The following CD200R1 variants were observed in gnomAD, a reference collection of about 807,000 sequenced individuals.
The protein encoded by CD200R1 is CD200 receptor 1.
A neutral mutation model predicts 38.1 loss-of-function variants in CD200R1; 30 were observed. The observed-to-expected ratio is 0.79, with a 90% CI of 0.59 to 1.07. The LOEUF (loss-of-function observed/expected upper bound fraction) is 1.07. Among genes scored for constraint, CD200R1 ranks in the 50% least tolerant of loss-of-function variants. CD200R1 has a pLI of 0.00. For synonymous variants in CD200R1, 128 were observed against 152.1 expected (o/e 0.84, Z 1.16); for missense variants, 372 against 415.4 (o/e 0.90, Z 0.91).
chr3:112,948,228 T>A (rs927702376), intron 1 of CD200R1, among the ~76,000 whole-genome samples: 1 of 152,126 alleles, frequency 6.6e-6, no homozygotes, highest in Admixed American at 6.6e-5. Context: ...GTGGAAGAAA[T>A]TATTTTACTA....
rs1940179479 is a variant in CD200R1, at chr3:112,922,000, A to G, written c.*1677T>C. On this transcript the variant is annotated 3_prime_UTR_variant, in exon 8 of 8. Transcript: ENST00000308611. Reference sequence around the variant, plus strand: ...GACAGTGTAATGATGTCTATTGTGAACATTGCTTGGTAATATTTATATGCA... The same window carrying G: ...GACAGTGTAATGATGTCTATTGTGAGCATTGCTTGGTAATATTTATATGCA... The G allele has an allele frequency of 1.3e-5, 2 of 152,028 alleles. No individual in the cohort carries two copies. The highest frequency in any genetic ancestry group is 6.6e-5 in the Admixed American group (1 of 15,228). The allele number at this position is 152,028 out of a possible 1,614,324, so 9.4% of individuals were successfully genotyped here. A position where few individuals can be genotyped will look rare whatever the true frequency, so the allele number is the denominator to read the frequency against.
At chr3:112,930,429 A>G (rs973257688) in intron 3 of CD200R1, among the ~76,000 whole-genome samples, 1 of 152,232 alleles carries the variant, frequency 6.6e-6, no homozygotes. Flanking sequence ...CAATCCAATT[A>G]TCAACACTAA....
intron 2 of CD200R1, among the ~76,000 whole-genome samples, chr3:112,937,134 G>A (rs899596690): frequency 6.6e-6 from 1 of 152,146 alleles, no homozygotes; most frequent in African/African-American, 2.4e-5. Flanking sequence ...CACGACAGAA[G>A]GGGAAGCAGA....
chr3:112,921,443 AAGAG>A lies in CD200R1; in HGVS notation c.*2230_*2233del, dbSNP rs1211063650. 1 of 143,046 alleles carries A rather than the reference AAGAG, an allele frequency of 7.0e-6. No individual in the cohort carries two copies. Among genetic ancestry groups the A allele is most frequent in the East Asian group, 1.9e-4 (1 of 5,158 alleles). 8.9% of individuals were successfully genotyped at this position (143,046 alleles called of 1,614,324 possible). On this transcript the variant is annotated 3_prime_UTR_variant, in exon 8 of 8. Coordinates refer to ENST00000308611, the MANE Select transcript of CD200R1 (RefSeq NM_138806.4). Reference sequence around the variant, plus strand: ...ACTTTCAAATTATTAGAGATATTGAAAGAGAGAGAGACAGAGAAAGAGAGAGAAA... The same window carrying A: ...ACTTTCAAATTATTAGAGATATTGAAAGAGAGACAGAGAAAGAGAGAGAAA...
chr3:112,953,717 C>T (rs1383552267), intron 1 of CD200R1, among the ~76,000 whole-genome samples: 1 of 152,030 alleles, frequency 6.6e-6, no homozygotes, highest in Non-Finnish European at 1.5e-5. Flanking sequence ...CCTAGCTTAT[C>T]CAATTTGTTG....
intron 1 of CD200R1, among the ~76,000 whole-genome samples, chr3:112,964,947 A>G (rs1933119329): frequency 6.6e-6 from 1 of 152,180 alleles, no homozygotes; most frequent in South Asian, 2.1e-4. Context: ...TGGTTTTAAA[A>G]ATGGGAGTTT....
Position 112,931,280 on chromosome 3 carries a change from A to G in CD200R1, c.137-109T>C, listed in dbSNP as rs1356556287. 60 of 623,028 alleles carry G rather than the reference A, an allele frequency of 9.6e-5. No homozygotes were observed. The South Asian group carries it at 1.3e-3, about 13-fold the overall frequency. 38.6% of individuals were successfully genotyped at this position (623,028 alleles called of 1,614,324 possible). ...CAACATGATAGGCAATCAGTTAACC[A>G]TAATTAAAATTACACAAAAATCATT... On this transcript the variant is annotated intron_variant, in intron 2 of 7. Coordinates refer to ENST00000308611, the MANE Select transcript of CD200R1 (RefSeq NM_138806.4).
intron 2 of CD200R1, among the ~76,000 whole-genome samples, chr3:112,939,843 C>T (rs1235442117): frequency 1.4e-5 from 2 of 138,688 alleles, no homozygotes; most frequent in Non-Finnish European, 3.1e-5. Flanking sequence ...CAGCCAAAGC[C>T]CATACTGAGC....
intron 1 of CD200R1, among the ~76,000 whole-genome samples, chr3:112,973,604 A>G (rs1450462951): frequency 6.6e-6 from 1 of 152,210 alleles, no homozygotes; most frequent in African/African-American, 2.4e-5. Context: ...AAAATTCTCA[A>G]TAGAAAGGTG....
chr3:112,940,024 A>G (rs1158849890), intron 2 of CD200R1, among the ~76,000 whole-genome samples: 1 of 151,926 alleles, frequency 6.6e-6, no homozygotes, highest in Non-Finnish European at 1.5e-5. Context: ...CCACATATAT[A>G]CAGTCAACTG....
At chr3:112,931,024 C>T (rs1478048088) in intron 3 of CD200R1, 82 bp downstream of exon 3, 5 of 990,414 alleles carry the variant, frequency 5.0e-6, no homozygotes, top group Non-Finnish European at 8.1e-6. Flanking sequence ...GGCTGGCTTC[C>T]AGTCAGGTCA....
chr3:112,973,810 A>G (rs995881647), intron 1 of CD200R1, among the ~76,000 whole-genome samples: 1 of 152,160 alleles, frequency 6.6e-6, no homozygotes, highest in Non-Finnish European at 1.5e-5. Context: ...GTCTACCAAA[A>G]GTGAAACCTG....
chr3:112,933,163 C>A (rs1469165245), intron 2 of CD200R1, among the ~76,000 whole-genome samples: 2 of 152,198 alleles, frequency 1.3e-5, no homozygotes, highest in South Asian at 4.1e-4. Flanking sequence ...AGCAGACATG[C>A]CCCCAGACTG....
At chr3:112,953,450 G>A (rs1941015231) in intron 1 of CD200R1, among the ~76,000 whole-genome samples, 1 of 152,144 alleles carries the variant, frequency 6.6e-6, no homozygotes, top group Non-Finnish European at 1.5e-5. Flanking sequence ...TTGGGTGTGA[G>A]GGTAATTCTG....
In CD200R1 at chr3:112,925,134, T is replaced by C. The variant is rs200744866; in HGVS notation, c.829A>G (p.Ile277Val). Residue 277 changes from isoleucine (I) to valine (V), a missense_variant, in exon 6 of 8, where the codon ATT becomes GTT. Coordinates refer to ENST00000308611, the MANE Select transcript of CD200R1 (RefSeq NM_138806.4). ...CAAATGAATCCCACGATGGTCAAAATAATAATAGTAAGGATGATATATGGA... is the reference window on the plus strand; with the variant it reads ...CAAATGAATCCCACGATGGTCAAAACAATAATAGTAAGGATGATATATGGA... The part of the protein sequence containing the change: ...YIPYIILTII[I>V]LTIVGFIWLL... 1.6e-4 allele frequency: 262 copies of C among 1,608,420 alleles called. No homozygotes were observed. Among genetic ancestry groups the C allele is most frequent in the Admixed American group, 4.4e-4 (26 of 59,696 alleles).
chr3:112,966,877 C>G (rs1244621104), intron 1 of CD200R1, among the ~76,000 whole-genome samples: 2 of 152,128 alleles, frequency 1.3e-5, no homozygotes, highest in Non-Finnish European at 2.9e-5. Context: ...CCTTCCCACT[C>G]ACTCCCTCCT....
At chr3:112,970,772 T>G (rs559194983) in intron 1 of CD200R1, among the ~76,000 whole-genome samples, 20 of 152,320 alleles carry the variant, frequency 1.3e-4, no homozygotes, top group Non-Finnish European at 2.6e-4. Context: ...ATTACCTTAT[T>G]GCCATCCTCA....
chr3:112,923,366 C>A lies in CD200R1; in HGVS notation c.*311G>T. ...ATACACAAGAAACTGTTCACACTTG[C>A]TCCTTCTTCAGTTATTTCTTGAGGA... is the stretch of plus-strand genomic sequence containing the variant. On this transcript the variant is annotated 3_prime_UTR_variant, in exon 8 of 8. Coordinates refer to ENST00000308611, the MANE Select transcript of CD200R1 (RefSeq NM_138806.4). 1 of 188,440 alleles carries A rather than the reference C, an allele frequency of 5.3e-6. No homozygotes were observed. The highest frequency in any genetic ancestry group is 1.2e-4 in the South Asian group (1 of 8,096). 11.7% of individuals were successfully genotyped at this position (188,440 alleles called of 1,614,324 possible). A position where few individuals can be genotyped will look rare whatever the true frequency, so the allele number is the denominator to read the frequency against.
At chr3:112,935,674 G>A (rs906026582) in intron 2 of CD200R1, among the ~76,000 whole-genome samples, 4 of 152,072 alleles carry the variant, frequency 2.6e-5, no homozygotes, top group African/African-American at 7.2e-5. Flanking sequence ...TATTAAGGAA[G>A]AAAACCAGGA....
Sources: gnomAD v4.1 joint callset for allele counts (sites outside exome capture counted in the v4.1 genomes callset) on GRCh38, gnomAD v4.1.1 for gene constraint, MANE v1.5 for transcripts, NCBI Gene and HGNC (gene_info 2026-07-23, HGNC 2026-07-21) for gene names.